MPP7: variants seen among roughly 807,000 people sequenced by gnomAD.
MPP7 encodes MAGUK p55 scaffold protein 7, also known as MAGUK p55 subfamily member 7.
A neutral mutation model predicts 76.5 loss-of-function variants in MPP7; 60 were observed. The observed-to-expected ratio is 0.78, with a 90% CI of 0.64 to 0.97. The LOEUF is 0.97. Ranked by LOEUF, MPP7 falls within the 50% of genes least tolerant of loss-of-function variation. The probability of loss-of-function intolerance (pLI) is 0.00; values close to 1 mark genes in which losing one functional copy is unlikely to be tolerated. For missense variants in MPP7, 641 were observed against 694.0 expected, an observed-to-expected ratio of 0.92 and a Z score of 0.86; for synonymous variants, 237 against 244.5, an observed-to-expected ratio of 0.97 and a Z score of 0.29.
At chr10:28,333,984 G>A (rs1342534838) in intron 1 of MPP7, among the ~76,000 whole-genome samples, 1 of 152,184 alleles carries the variant, frequency 6.6e-6, no homozygotes. Context: ...CTTGAGGTCA[G>A]GAGTTCGAGA....
intron 1 of MPP7, among the ~76,000 whole-genome samples, chr10:28,292,123 A>C (rs1840935153): frequency 6.6e-6 from 1 of 152,220 alleles, no homozygotes; most frequent in Admixed American, 6.5e-5. Context: ...CCAGTTGCCT[A>C]CAGTATTCAG....
intron 1 of MPP7, among the ~76,000 whole-genome samples, chr10:28,332,246 C>CGTGTGTGT (rs4018712): frequency 0.065 from 9,549 of 146,818 alleles, 329 homozygotes; most frequent in African/African-American, 0.072. Context: ...CAAATGTATG[C>CGTGTGTGT]GTGTGTGTGT....
chr10:28,145,770 C>G (rs1835683115), intron 5 of MPP7, among the ~76,000 whole-genome samples: 1 of 150,354 alleles, frequency 6.7e-6, no homozygotes, highest in African/African-American at 2.4e-5. Context: ...TTTAGTCACA[C>G]TGCTAGATAA....
At chr10:28,063,453 C>T (rs1851872480) in intron 13 of MPP7, among the ~76,000 whole-genome samples, 1 of 149,620 alleles carries the variant, frequency 6.7e-6, no homozygotes, top group African/African-American at 2.5e-5. Flanking sequence ...CAGACCAAGA[C>T]TCTGTCTCAA....
intron 3 of MPP7, among the ~76,000 whole-genome samples, chr10:28,151,817 C>T (rs945090063): frequency 2.0e-5 from 3 of 152,176 alleles, no homozygotes; most frequent in Non-Finnish European, 4.4e-5. Flanking sequence ...CTCCTAATCA[C>T]CCACTTTTCC....
chr10:28,278,642 T>C (rs1011723898), intron 1 of MPP7, among the ~76,000 whole-genome samples: 1 of 152,016 alleles, frequency 6.6e-6, no homozygotes, highest in East Asian at 1.9e-4. Flanking sequence ...AATGAACATG[T>C]AACACTGTAT....
At chr10:28,054,369 G>T in intron 16 of MPP7, 125 bp from the exon 17 acceptor site, 1 of 581,004 alleles carries the variant, frequency 1.7e-6, no homozygotes, top group African/African-American at 1.9e-5. Context: ...CCCTCAGCCA[G>T]AAATAAAAGT....
chr10:28,281,787 G>C (rs1026173361), intron 1 of MPP7, among the ~76,000 whole-genome samples: 2 of 151,964 alleles, frequency 1.3e-5, no homozygotes, highest in African/African-American at 2.4e-5. Flanking sequence ...TAAATAACTT[G>C]TCTAAATTCA....
chr10:28,320,323 G>T (rs1015122711), intron 2 of MPP7, among the ~76,000 whole-genome samples: 1 of 152,098 alleles, frequency 6.6e-6, no homozygotes, highest in South Asian at 2.1e-4. Flanking sequence ...CTGTAGGGAA[G>T]GGTTGGACAG....
intron 1 of MPP7, among the ~76,000 whole-genome samples, chr10:28,253,318 G>C (rs1289139144): frequency 2.0e-5 from 3 of 152,066 alleles, no homozygotes; most frequent in Admixed American, 2.0e-4. Context: ...ATATGAGCTG[G>C]GGAGTTTAAG....
intron 1 of MPP7, among the ~76,000 whole-genome samples, chr10:28,295,710 A>T (rs1201445477): frequency 6.6e-6 from 1 of 152,252 alleles, no homozygotes; most frequent in Non-Finnish European, 1.5e-5. Context: ...TATTCACAGC[A>T]AAAGGGGTTA....
intron 1 of MPP7, among the ~76,000 whole-genome samples, chr10:28,243,986 C>T (rs894622642): frequency 2.0e-5 from 3 of 152,122 alleles, no homozygotes; most frequent in South Asian, 2.1e-4. Flanking sequence ...AGATCTGAGG[C>T]CCAAAAATGT....
At chr10:28,062,473 A>T (rs564125904) in intron 13 of MPP7, among the ~76,000 whole-genome samples, 1 of 152,062 alleles carries the variant, frequency 6.6e-6, no homozygotes, top group African/African-American at 2.4e-5. Context: ...TACAGAAGAG[A>T]CAAACAGAAA....
chr10:28,174,452 T>C (rs1346356823), intron 3 of MPP7, among the ~76,000 whole-genome samples: 3 of 152,144 alleles, frequency 2.0e-5, no homozygotes, highest in African/African-American at 7.2e-5. Flanking sequence ...TCTCTCACCA[T>C]AGGACACGCA....
intron 5 of MPP7, among the ~76,000 whole-genome samples, chr10:28,135,577 C>T (rs1228071063): frequency 6.6e-6 from 1 of 152,136 alleles, no homozygotes; most frequent in Non-Finnish European, 1.5e-5. Flanking sequence ...GTCAATAATT[C>T]TAAGGTTGAG....
At chr10:28,087,462 C>A (rs1853072808) in intron 12 of MPP7, among the ~76,000 whole-genome samples, 1 of 152,008 alleles carries the variant, frequency 6.6e-6, no homozygotes, top group African/African-American at 2.4e-5. Flanking sequence ...GTGATGCAAT[C>A]TCAGCTCACT....
chr10:28,233,573 C>T (rs956145041), intron 2 of MPP7, among the ~76,000 whole-genome samples: 1 of 151,730 alleles, frequency 6.6e-6, no homozygotes, highest in South Asian at 2.1e-4. Context: ...AAAAAATTAG[C>T]CGGGCGTGGT....
chr10:28,299,544 A>G (rs1841105116), intron 1 of MPP7, among the ~76,000 whole-genome samples: 1 of 152,222 alleles, frequency 6.6e-6, no homozygotes, highest in Admixed American at 6.5e-5. Flanking sequence ...AAAGTTTGCA[A>G]TATTGTGAGA....
At chr10:28,277,374 A>C (rs910124080) in intron 1 of MPP7, among the ~76,000 whole-genome samples, 1 of 151,782 alleles carries the variant, frequency 6.6e-6, no homozygotes, top group African/African-American at 2.4e-5. Context: ...AAAAAAAAAA[A>C]AATTAATTAA....
Sources: allele counts gnomAD v4.1 joint callset (sites outside exome capture counted in the v4.1 genomes callset), GRCh38; gene constraint gnomAD v4.1.1; transcripts MANE v1.5; gene names NCBI Gene and HGNC (gene_info 2026-07-23, HGNC 2026-07-21).